SSRP1: variants seen among roughly 807,000 people sequenced by gnomAD.
The protein encoded by SSRP1 is FACT complex subunit SSRP1.
A neutral mutation model predicts 84.4 loss-of-function variants in SSRP1; 21 were observed. The observed-to-expected ratio is 0.25, with a 90% CI of 0.18 to 0.36. The LOEUF is 0.36. Ranked by LOEUF, SSRP1 falls within the 10% of genes least tolerant of loss-of-function variation. The pLI is 1.00. For missense variants in SSRP1, 519 were observed against 900.8 expected (o/e 0.58, Z 5.43); for synonymous variants, 319 against 318.3 (o/e 1.00, Z -0.02).
chr11:57,334,960 G>A, intron 2 of SSRP1, 108 bp downstream of exon 2: 3 of 1,312,740 alleles, frequency 2.3e-6, no homozygotes, highest in Non-Finnish European at 3.3e-6. Context: ...ATTATACTGA[G>A]TCTTCTTTTT....
Position 57,331,416 on chromosome 11 carries a change from G to A in SSRP1, c.1223+252C>T, listed in dbSNP as rs145872148. On this transcript the variant is annotated intron_variant, in intron 9 of 16. Transcript: ENST00000278412. ...GTGGAGGAGAAAAAAGACCAGTAGC[G>A]AAGACATATAGCTTTCAGAATACGG... Among the ~76,000 whole-genome samples, 19 of 152,252 alleles carry A rather than the reference G, an allele frequency of 1.2e-4. 1 individual carries two copies. In the East Asian group the frequency reaches 1.4e-3, roughly 11 times the overall value.
chr11:57,326,314 G>T lies in SSRP1; in HGVS notation c.*93C>A, dbSNP rs1855978384. 8.3e-7 allele frequency: 1 copy of T among 1,198,624 alleles called. No individual in the cohort carries two copies. Among genetic ancestry groups the T allele is most frequent in the Non-Finnish European group, 1.2e-6 (1 of 812,710 alleles). 74.2% of individuals were successfully genotyped at this position (1,198,624 alleles called of 1,614,324 possible). On this transcript the variant is annotated 3_prime_UTR_variant, in exon 17 of 17. Coordinates refer to ENST00000278412, the MANE Select transcript of SSRP1 (RefSeq NM_003146.3). ...ATGTTCAGATGGCACAGAATCCAGGGACTGCATTTCATGAGGAGAAACTGG... is the reference window on the plus strand; with the variant it reads ...ATGTTCAGATGGCACAGAATCCAGGTACTGCATTTCATGAGGAGAAACTGG...
At chr11:57,329,355 C>T (rs1251178271) in intron 12 of SSRP1, 8 of 152,458 alleles carry the variant, frequency 5.2e-5, no homozygotes, top group Non-Finnish European at 8.8e-5. Flanking sequence ...GGGCACTTGG[C>T]CTATTTCTGG....
At chr11:57,329,865 G>A (rs892950643) in intron 12 of SSRP1, 16 of 608,320 alleles carry the variant, frequency 2.6e-5, no homozygotes, top group Admixed American at 2.3e-4. Context: ...CACATTCAGG[G>A]CGGTATGGCC....
Position 57,335,877 on chromosome 11 carries a change from C to T in SSRP1, c.-267G>A, listed in dbSNP as rs959038475. On this transcript the variant is annotated 5_prime_UTR_variant, in exon 1 of 17. Transcript: ENST00000278412. The surrounding 1 kb of genome is among the most constrained non-coding windows in gnomAD (Gnocchi z 4.6). ...CCGCGTCCCGCCACCGGAAGCCGTA[C>T]ACAGGCCACAGAGAGGATGAGCTGG... The T allele has an allele frequency of 6.6e-6, 1 of 152,336 alleles. No homozygotes were observed. Among genetic ancestry groups the T allele is most frequent in the Non-Finnish European group, 1.5e-5 (1 of 68,140 alleles). 9.4% of individuals were successfully genotyped at this position (152,336 alleles called of 1,614,324 possible).
chr11:57,334,680 A>T (rs760704010), intron 2 of SSRP1, 32 bp from the exon 3 acceptor site: 10 of 1,610,622 alleles, frequency 6.2e-6, no homozygotes, highest in Non-Finnish European at 8.5e-6. Flanking sequence ...ATGCATGGAG[A>T]CAGTACACAG....
Position 57,330,072 on chromosome 11 carries a change from C to G in SSRP1, c.1481+21G>C, listed in dbSNP as rs763622425. 7 of 1,614,172 alleles carry G rather than the reference C, an allele frequency of 4.3e-6. No homozygotes were observed. Among genetic ancestry groups the G allele is most frequent in the Non-Finnish European group, 5.1e-6 (6 of 1,180,006 alleles). ...CTTATGGGTCACCATCTTATCCCCA[C>G]AAGGTACCACCAAAACTCACTCCTC... On this transcript the variant is annotated intron_variant, in intron 12 of 16. Coordinates refer to ENST00000278412, the MANE Select transcript of SSRP1 (RefSeq NM_003146.3). The surrounding 1 kb of genome is among the most constrained non-coding windows in gnomAD (Gnocchi z 4.0).
At position 57,335,220 on chromosome 11, in the gene SSRP1, G is replaced by T. The variant is rs1054960016; in HGVS notation, c.-99C>A. 8 of 1,232,344 alleles carry T rather than the reference G, an allele frequency of 6.5e-6. No homozygotes were observed. Among genetic ancestry groups the T allele is most frequent in the Non-Finnish European group, 9.6e-6 (8 of 836,766 alleles). 76.3% of individuals were successfully genotyped at this position (1,232,344 alleles called of 1,614,324 possible). A position where few individuals can be genotyped will look rare whatever the true frequency, so the allele number is the denominator to read the frequency against. Reference sequence around the variant, plus strand: ...GCCCCAACTCCTGAGTGGGTGTGCGGATGCTCAGCAGGTTGGGAATCTGAA... The same window carrying T: ...GCCCCAACTCCTGAGTGGGTGTGCGTATGCTCAGCAGGTTGGGAATCTGAA... On this transcript the variant is annotated 5_prime_UTR_variant, in exon 2 of 17. Transcript: ENST00000278412. This position sits in a 1 kb window ranked among gnomAD's most constrained non-coding sequence, Gnocchi z 4.6.
intron 14 of SSRP1, 51 bp from the exon 15 acceptor site, chr11:57,327,565 C>G (rs1565051362): frequency 1.2e-6 from 2 of 1,610,152 alleles, no homozygotes; most frequent in Middle Eastern, 1.7e-4. Context: ...CTCCCATCTC[C>G]CCTCTCCCCT....
chr11:57,332,119 A>G lies in SSRP1; in HGVS notation c.1001+33T>C, dbSNP rs1356327326. The stretch of plus-strand genomic sequence containing the variant: ...AGGAGACACGGCATTTCCCATACCC[A>G]GGCAGGGCAGGATCCCAGGCCCACA... On this transcript the variant is annotated intron_variant, in intron 8 of 16. Transcript: ENST00000278412. This position sits in a 1 kb window ranked among gnomAD's most constrained non-coding sequence, Gnocchi z 5.5. 3 of 1,612,416 alleles carry G rather than the reference A, an allele frequency of 1.9e-6. No individual in the cohort carries two copies. Among genetic ancestry groups the G allele is most frequent in the Non-Finnish European group, 2.5e-6 (3 of 1,179,840 alleles).
Position 57,330,417 on chromosome 11 carries a change from T to G in SSRP1, c.1309A>C (p.Ser437Arg). The change falls in exon 11 of 17, where the codon AGC (serine) becomes CGC (arginine). Residue 437 changes from serine (S) to arginine (R), a missense_variant. Coordinates refer to ENST00000278412, the MANE Select transcript of SSRP1 (RefSeq NM_003146.3). The surrounding 1 kb of genome is among the most constrained non-coding windows in gnomAD (Gnocchi z 4.0). ...NRGLKEGMNP[S>R]YDEYADSDED... The stretch of plus-strand genomic sequence containing the variant: ...TCAGAGTCAGCATATTCATCGTAGC[T>G]TGGGTTCATGCCCTAGCCAGGGAAG... 1 of 1,614,008 alleles carries G rather than the reference T, an allele frequency of 6.2e-7. No individual in the cohort carries two copies. The highest frequency in any genetic ancestry group is 8.5e-7 in the Non-Finnish European group (1 of 1,180,030).
At chr11:57,334,391 AC>A in intron 3 of SSRP1, 71 bp downstream of exon 3, 2 of 1,543,594 alleles carry the variant, frequency 1.3e-6, no homozygotes, top group Non-Finnish European at 1.8e-6. Context: ...TGAGGAAGGA[AC>A]CTCGAGTCTC....
chr11:57,327,036 G>T (rs1427149591), intron 15 of SSRP1, 147 bp from the exon 16 acceptor site: 6 of 1,392,394 alleles, frequency 4.3e-6, no homozygotes, highest in Non-Finnish European at 5.7e-6. Flanking sequence ...AGCCTGGAGG[G>T]CACCAAGGGA....
rs111804515 is a variant in SSRP1 at position 57,330,008 on chromosome 11, G to C, written c.1481+85C>G. On this transcript the variant is annotated intron_variant, in intron 12 of 16. Transcript: ENST00000278412. The surrounding 1 kb of genome is among the most constrained non-coding windows in gnomAD (Gnocchi z 4.0). ...CATTCTGGGTCAGTAGCTAATGCTGGGACCTGAGAAATGTCCAGAAATCTT... is the reference window on the plus strand; with the variant it reads ...CATTCTGGGTCAGTAGCTAATGCTGCGACCTGAGAAATGTCCAGAAATCTT... 7 of 1,538,090 alleles carry C rather than the reference G, an allele frequency of 4.6e-6. No individual in the cohort carries two copies. Among genetic ancestry groups the C allele is most frequent in the Non-Finnish European group, 6.3e-6 (7 of 1,111,210 alleles).
rs1181375798 is a variant in SSRP1, at chr11:57,326,615, C to G, written c.2058+88G>C. 1.1e-5 allele frequency: 17 copies of G among 1,580,668 alleles called. No individual in the cohort carries two copies. In the Admixed American group the frequency reaches 2.8e-4, roughly 26 times the overall value. ...GAACCTCAGAATTCCACCATCCACTCCAACTCATTACTCTTACAGACCAAC... is the reference window on the plus strand; with the variant it reads ...GAACCTCAGAATTCCACCATCCACTGCAACTCATTACTCTTACAGACCAAC... On this transcript the variant is annotated intron_variant, in intron 16 of 16. Coordinates refer to ENST00000278412, the MANE Select transcript of SSRP1 (RefSeq NM_003146.3).
Position 57,334,535 on chromosome 11 carries a change from A to C in SSRP1, c.168T>G (p.Val56=), listed in dbSNP as rs774338030. ...GELTEGIWRR[V]ALGHGLKLLT... ...GCAGTTTAAGTCCATGGCCCAGAGCAACACGGCGCCAGATACCTTCTGTTA... is the reference window on the plus strand; with the variant it reads ...GCAGTTTAAGTCCATGGCCCAGAGCCACACGGCGCCAGATACCTTCTGTTA... The change falls in exon 3 of 17, where the codon GTT becomes GTG. Residue 56 remains valine, a synonymous_variant. Coordinates refer to ENST00000278412, the MANE Select transcript of SSRP1 (RefSeq NM_003146.3). 2.5e-6 allele frequency: 4 copies of C among 1,614,268 alleles called. No homozygotes were observed. The highest frequency in any genetic ancestry group is 3.4e-6 in the Non-Finnish European group (4 of 1,180,054).
chr11:57,327,952 AG>A (rs1856017270), intron 13 of SSRP1, 70 bp from the exon 14 acceptor site: 1 of 1,557,834 alleles, frequency 6.4e-7, no homozygotes, highest in Admixed American at 1.8e-5. Context: ...TAAATTATTT[AG>A]ATCACTTAAC....
At position 57,332,048 on chromosome 11, in the gene SSRP1, C is replaced by A; in HGVS notation, c.1001+104G>T. On this transcript the variant is annotated intron_variant, in intron 8 of 16. Transcript: ENST00000278412. The surrounding 1 kb of genome is among the most constrained non-coding windows in gnomAD (Gnocchi z 5.5). ...CACCTATTGTGACACAAGGTCCCATCCAGGCCTCTAGGAGGCCGCATTCCC... is the reference window on the plus strand; with the variant it reads ...CACCTATTGTGACACAAGGTCCCATACAGGCCTCTAGGAGGCCGCATTCCC... The A allele has an allele frequency of 1.3e-6, 2 of 1,574,244 alleles. No individual in the cohort carries two copies.
At chr11:57,326,566 C>T (rs1855984960) in intron 16 of SSRP1, 88 bp from the exon 17 acceptor site, 1 of 1,519,200 alleles carries the variant, frequency 6.6e-7, no homozygotes, top group African/African-American at 1.4e-5. Context: ...TCCCTACCGC[C>T]CCCAACTACA....
Sources: allele counts gnomAD v4.1 joint callset (sites outside exome capture counted in the v4.1 genomes callset), GRCh38; gene constraint gnomAD v4.1.1; non-coding constraint Gnocchi (gnomAD v3.1); transcripts MANE v1.5; gene names NCBI Gene and HGNC (gene_info 2026-07-23, HGNC 2026-07-21).